The following RALGPS2 variants were observed in gnomAD, a reference collection of about 807,000 sequenced individuals.
RALGPS2 encodes ras-specific guanine nucleotide-releasing factor RalGPS2.
RALGPS2 carries 43 observed loss-of-function variants against 86.8 expected under a neutral mutation model. The observed-to-expected ratio is 0.50, with a 90% CI of 0.39 to 0.64. The LOEUF (loss-of-function observed/expected upper bound fraction) is 0.64. RALGPS2 is among the 30% of genes least tolerant of loss of function. The probability of loss-of-function intolerance (pLI) is 0.00; values close to 1 mark genes in which losing one functional copy is unlikely to be tolerated. For missense variants in RALGPS2, 536 were observed against 694.6 expected, an observed-to-expected ratio of 0.77 and a Z score of 2.57; for synonymous variants, 243 against 231.3, an observed-to-expected ratio of 1.05 and a Z score of -0.46.
In RALGPS2 at chr1:178,764,562, C is replaced by T. The variant is rs183347961; in HGVS notation, c.-83-12120C>T. 1.7e-3 allele frequency among the ~76,000 whole-genome samples: 264 copies of T among 152,286 alleles called. 1 individual carries two copies. The highest frequency in any genetic ancestry group is 3.4e-3 in the Middle Eastern group (1 of 294). ...GTGGTGCCTTTATAGGGTTACTAGC[C>T]TGTGTACTTAAGTGTATTTTTATAG... On this transcript the variant is annotated intron_variant, in intron 1 of 19. Transcript: ENST00000367635.
chr1:178,866,322 TTA>T (rs1390970835), intron 8 of RALGPS2, among the ~76,000 whole-genome samples: 2 of 152,308 alleles, frequency 1.3e-5, no homozygotes, highest in African/African-American at 4.8e-5. Context: ...CTGTAATAAA[TTA>T]TGTCATCTTC....
intron 1 of RALGPS2, among the ~76,000 whole-genome samples, chr1:178,751,869 G>A (rs1651699708): frequency 6.6e-6 from 1 of 152,180 alleles, no homozygotes; most frequent in African/African-American, 2.4e-5. Context: ...TGTTATAGGT[G>A]TTGTTACTTT....
intron 8 of RALGPS2, among the ~76,000 whole-genome samples, chr1:178,873,642 G>T (rs576318182): frequency 1.3e-5 from 2 of 152,292 alleles, no homozygotes; most frequent in African/African-American, 4.8e-5. Flanking sequence ...TGTGTACTGG[G>T]AGATGTGTAT....
intron 11 of RALGPS2, 29 bp downstream of exon 11, chr1:178,883,562 A>C: frequency 1.3e-6 from 2 of 1,536,316 alleles, no homozygotes; most frequent in Non-Finnish European, 1.8e-6. Context: ...CTTGTTACCA[A>C]ATCTAAATCA....
chr1:178,825,716 T>C (rs1017074758), intron 7 of RALGPS2, among the ~76,000 whole-genome samples: 2 of 152,206 alleles, frequency 1.3e-5, no homozygotes, highest in Non-Finnish European at 2.9e-5. Flanking sequence ...ATTTAAATCA[T>C]TAAAATAAAA....
intron 8 of RALGPS2, among the ~76,000 whole-genome samples, chr1:178,854,500 C>T (rs1432870069): frequency 6.6e-6 from 1 of 152,082 alleles, no homozygotes; most frequent in Non-Finnish European, 1.5e-5. Flanking sequence ...TAAATTTCCC[C>T]CAACAACACT....
intron 1 of RALGPS2, among the ~76,000 whole-genome samples, chr1:178,774,054 AACAT>A (rs1652950373): frequency 6.6e-6 from 1 of 152,158 alleles, no homozygotes; most frequent in Non-Finnish European, 1.5e-5. Context: ...CAGCCTGGCC[AACAT>A]GGTGAAACCC....
chr1:178,848,356 C>G (rs1156996405), intron 8 of RALGPS2, among the ~76,000 whole-genome samples: 1 of 151,952 alleles, frequency 6.6e-6, no homozygotes, highest in African/African-American at 2.4e-5. Context: ...CTTCTATAAA[C>G]CAGCTCTAAG....
At chr1:178,851,084 A>G in intron 8 of RALGPS2, 2 of 1,525,132 alleles carry the variant, frequency 1.3e-6, no homozygotes, top group Non-Finnish European at 1.8e-6. Context: ...TTAAGAGCTG[A>G]AAAGTACAAA....
At chr1:178,811,488 A>G (rs1281200337) in intron 6 of RALGPS2, 84 bp downstream of exon 6, 2 of 1,000,754 alleles carry the variant, frequency 2.0e-6, no homozygotes. Flanking sequence ...TGCTTTATTC[A>G]CTGTTTATTG....
chr1:178,899,220 C>T (rs1418616474), intron 17 of RALGPS2, among the ~76,000 whole-genome samples: 1 of 151,768 alleles, frequency 6.6e-6, no homozygotes, highest in Non-Finnish European at 1.5e-5. Flanking sequence ...CATAAAGTTA[C>T]TAGTATATTA....
intron 18 of RALGPS2, among the ~76,000 whole-genome samples, chr1:178,904,201 G>T (rs1235103616): frequency 6.6e-6 from 1 of 151,650 alleles, no homozygotes; most frequent in Non-Finnish European, 1.5e-5. Flanking sequence ...GATGGGATTG[G>T]TTTTTTTCTT....
At chr1:178,742,247 A>G (rs1558097445) in intron 1 of RALGPS2, among the ~76,000 whole-genome samples, 1 of 152,160 alleles carries the variant, frequency 6.6e-6, no homozygotes, top group Non-Finnish European at 1.5e-5. Context: ...AGACACAAAT[A>G]GGCTAAAAGT....
At chr1:178,760,611 C>T (rs1652190293) in intron 1 of RALGPS2, among the ~76,000 whole-genome samples, 1 of 152,092 alleles carries the variant, frequency 6.6e-6, no homozygotes, top group Admixed American at 6.6e-5. Context: ...ACGGATGGGT[C>T]TTGTTTTTCT....
rs114857531 is a variant in RALGPS2, at chr1:178,742,281, T to G, written c.-84+16862T>G. ...GTAAAGGATGGAAAAAGATACACCA[T>G]GCTCGCAATAGTCAAAAGAGCATTA... On this transcript the variant is annotated intron_variant, in intron 1 of 19. Transcript: ENST00000367635. Among the ~76,000 whole-genome samples, 559 of 152,142 alleles carry G rather than the reference T, an allele frequency of 3.7e-3. 5 individuals are homozygous for G. Among genetic ancestry groups the G allele is most frequent in the African/African-American group, 0.012 (506 of 41,508 alleles).
rs1158253788 is a variant in RALGPS2 at position 178,917,112 on chromosome 1, T to A, written c.*753T>A. 5 of 152,172 alleles carry A rather than the reference T, an allele frequency of 3.3e-5. No homozygotes were observed. The highest frequency in any genetic ancestry group is 2.0e-4 in the Admixed American group (3 of 15,272). 9.4% of individuals were successfully genotyped at this position (152,172 alleles called of 1,614,324 possible). On this transcript the variant is annotated 3_prime_UTR_variant, in exon 20 of 20. Transcript: ENST00000367635. ...GTTCATTTGCCAGACGCTTTTTTTT[T>A]AAATAGGTTCCAGAAAACATGGTTG...
At chr1:178,807,178 CA>C (rs1353412844) in intron 4 of RALGPS2, among the ~76,000 whole-genome samples, 2 of 152,030 alleles carry the variant, frequency 1.3e-5, no homozygotes, top group African/African-American at 4.8e-5. Flanking sequence ...ACAAAAAATA[CA>C]AACAAAATTA....
chr1:178,812,193 G>T (rs764358880), intron 6 of RALGPS2, among the ~76,000 whole-genome samples: 7 of 152,104 alleles, frequency 4.6e-5, no homozygotes, highest in Non-Finnish European at 1.0e-4. Context: ...GGAGAGGGGA[G>T]TTTTGGGGGA....
intron 8 of RALGPS2, among the ~76,000 whole-genome samples, chr1:178,855,439 T>C (rs1007326842): frequency 6.6e-6 from 1 of 151,982 alleles, no homozygotes; most frequent in Non-Finnish European, 1.5e-5. Flanking sequence ...TCAGTTTCTC[T>C]AGTCCAAATG....
Sources: allele counts gnomAD v4.1 joint callset (sites outside exome capture counted in the v4.1 genomes callset), GRCh38; gene constraint gnomAD v4.1.1; transcripts MANE v1.5; gene names NCBI Gene and HGNC (gene_info 2026-07-23, HGNC 2026-07-21).